The following SOX6 variants were observed in gnomAD, a reference collection of about 807,000 sequenced individuals.
The protein encoded by SOX6 is SRY-box transcription factor 6.
SOX6 carries 11 observed loss-of-function variants against 97.8 expected under a neutral mutation model. The observed-to-expected ratio is 0.11, with a 90% confidence interval of 0.07 to 0.19. The LOEUF (loss-of-function observed/expected upper bound fraction) is 0.19, where lower values mean the gene tolerates loss of function less well. SOX6 is among the 10% of genes least tolerant of loss of function. SOX6 has a pLI of 1.00. For synonymous variants in SOX6, 360 were observed against 371.4 expected (o/e 0.97, Z 0.35); for missense variants, 810 against 1,039.5 (o/e 0.78, Z 3.04).
intron 7 of SOX6, among the ~76,000 whole-genome samples, chr11:16,109,756 A>C (rs1379556945): frequency 6.6e-6 from 1 of 152,206 alleles, no homozygotes; most frequent in Non-Finnish European, 1.5e-5. Flanking sequence ...TATTGAAAGA[A>C]TTAGAGTTCT....
At chr11:16,641,171 A>G (rs1017265788) in intron 3 of SOX6, among the ~76,000 whole-genome samples, 1 of 152,200 alleles carries the variant, frequency 6.6e-6, no homozygotes, top group Non-Finnish European at 1.5e-5. Context: ...TTATGTACCC[A>G]GTAGTCATTC....
intron 4 of SOX6, among the ~76,000 whole-genome samples, chr11:16,533,768 C>A (rs957173884): frequency 5.9e-5 from 9 of 151,922 alleles, no homozygotes; most frequent in Admixed American, 5.9e-4. Context: ...CATTTGGTGA[C>A]AATAAATTTG....
At chr11:16,211,862 A>G (rs1852242916) in intron 4 of SOX6, among the ~76,000 whole-genome samples, 1 of 152,190 alleles carries the variant, frequency 6.6e-6, no homozygotes, top group South Asian at 2.1e-4. Context: ...AATATGTACC[A>G]CAGTGAAAAA....
At chr11:16,149,823 A>G (rs926531152) in intron 6 of SOX6, among the ~76,000 whole-genome samples, 13 of 152,184 alleles carry the variant, frequency 8.5e-5, no homozygotes, top group African/African-American at 3.1e-4. Context: ...TTATTTAGCT[A>G]ACTGGTGTTA....
At chr11:16,322,546 A>G (rs1018681912) in intron 2 of SOX6, among the ~76,000 whole-genome samples, 4 of 152,178 alleles carry the variant, frequency 2.6e-5, no homozygotes, top group Non-Finnish European at 4.4e-5. Flanking sequence ...CCAATGTCCA[A>G]TGATAATATC....
intron 1 of SOX6, among the ~76,000 whole-genome samples, chr11:16,373,590 A>C (rs1431312780): frequency 6.6e-6 from 1 of 152,054 alleles, no homozygotes; most frequent in African/African-American, 2.4e-5. Flanking sequence ...AATTTAATTT[A>C]TAGGTTTCTA....
At chr11:16,482,487 T>C (rs1860360779) in intron 4 of SOX6, among the ~76,000 whole-genome samples, 1 of 152,180 alleles carries the variant, frequency 6.6e-6, no homozygotes. Flanking sequence ...ATGATTGTGG[T>C]GGTGGGTAAA....
At chr11:16,340,710 A>G (rs1289230458) in intron 2 of SOX6, among the ~76,000 whole-genome samples, 1 of 152,096 alleles carries the variant, frequency 6.6e-6, no homozygotes, top group Non-Finnish European at 1.5e-5. Flanking sequence ...TTATGATATT[A>G]CCAAGTTAAC....
chr11:16,010,125 TACAC>T (rs67556517), intron 13 of SOX6, among the ~76,000 whole-genome samples: 4,839 of 135,490 alleles, frequency 0.036, 120 homozygotes, highest in African/African-American at 0.075. Context: ...CAGTTGGAGC[TACAC>T]ACACACACAC....
At chr11:16,435,859 T>G (rs531847758) in intron 1 of SOX6, among the ~76,000 whole-genome samples, 97 of 152,256 alleles carry the variant, frequency 6.4e-4, no homozygotes, top group Non-Finnish European at 1.1e-3. Context: ...TTTATAAACA[T>G]AATTATGTTC....
chr11:16,075,584 C>T (rs1848334745), intron 9 of SOX6, among the ~76,000 whole-genome samples: 1 of 152,112 alleles, frequency 6.6e-6, no homozygotes, highest in African/African-American at 2.4e-5. Flanking sequence ...CACGTTCTCA[C>T]TCATAAGTGG....
At chr11:16,393,449 T>G (rs1858247917) in intron 1 of SOX6, among the ~76,000 whole-genome samples, 1 of 152,056 alleles carries the variant, frequency 6.6e-6, no homozygotes, top group African/African-American at 2.4e-5. Flanking sequence ...TATATATAAG[T>G]GACATACACA....
chr11:16,397,241 A>C (rs775329388), intron 1 of SOX6, among the ~76,000 whole-genome samples: 29 of 151,606 alleles, frequency 1.9e-4, no homozygotes, highest in Admixed American at 9.9e-4. Context: ...ATAAATATTC[A>C]AAATTAAATA....
At chr11:16,424,839 A>G (rs767233434) in intron 1 of SOX6, among the ~76,000 whole-genome samples, 33 of 152,254 alleles carry the variant, frequency 2.2e-4, no homozygotes, top group Non-Finnish European at 4.1e-4. Context: ...AAATTATCTG[A>G]AAGTGCCCAA....
intron 4 of SOX6, among the ~76,000 whole-genome samples, chr11:16,230,855 C>T (rs1054373089): frequency 2.0e-5 from 3 of 151,536 alleles, no homozygotes; most frequent in Admixed American, 1.3e-4. Flanking sequence ...ATGGAAAAAT[C>T]AATGGAATAG....
intron 3 of SOX6, among the ~76,000 whole-genome samples, chr11:16,689,824 ATTTG>A (rs1256684646): frequency 1.3e-5 from 2 of 151,938 alleles, no homozygotes; most frequent in Non-Finnish European, 1.5e-5. Context: ...AGAGGTCATC[ATTTG>A]TTTATTTCTA....
chr11:16,685,766 G>T (rs550521906), intron 3 of SOX6, among the ~76,000 whole-genome samples: 1 of 152,254 alleles, frequency 6.6e-6, no homozygotes, highest in African/African-American at 2.4e-5. Flanking sequence ...CCCCAGTAGG[G>T]ACTCTGTGTT....
chr11:16,193,383 T>A (rs1026463716), intron 4 of SOX6, among the ~76,000 whole-genome samples: 1 of 151,106 alleles, frequency 6.6e-6, no homozygotes, highest in African/African-American at 2.4e-5. Flanking sequence ...AAAAAAAAAA[T>A]AAAAATAAAT....
chr11:16,402,727 ATCACCTGAC>A, intron 1 of SOX6: 8 of 1,610,504 alleles, frequency 5.0e-6, no homozygotes, highest in Non-Finnish European at 5.9e-6. Context: ...TATTTGTTCC[ATCACCTGAC>A]TTAGGGGCTG....
Sources: allele counts gnomAD v4.1 joint callset (sites outside exome capture counted in the v4.1 genomes callset), GRCh38; gene constraint gnomAD v4.1.1; transcripts MANE v1.5; gene names NCBI Gene and HGNC (gene_info 2026-07-23, HGNC 2026-07-21).